PROS1: variants seen among roughly 807,000 people sequenced by gnomAD.
PROS1 encodes the protein vitamin K-dependent protein S.
PROS1 carries 29 observed loss-of-function variants against 75.9 expected under a neutral mutation model. The ratio of observed to expected loss-of-function variants is 0.38; its 90% CI spans 0.28 to 0.52. The LOEUF (loss-of-function observed/expected upper bound fraction) is 0.52, where lower values mean the gene tolerates loss of function less well. Among genes scored for constraint, PROS1 ranks in the 20% least tolerant of loss-of-function variants. The pLI is 0.83. For missense variants in PROS1, 680 were observed against 810.3 expected (o/e 0.84, Z 1.95); for synonymous variants, 245 against 280.6 (o/e 0.87, Z 1.27).
At chr3:93,925,007 T>A (rs955891515) in intron 2 of PROS1, among the ~76,000 whole-genome samples, 8 of 152,328 alleles carry the variant, frequency 5.3e-5, no homozygotes, top group Middle Eastern at 3.4e-3. Flanking sequence ...AGTAGACATT[T>A]ATCTTATACA....
chr3:93,949,423 C>T (rs576506979), intron 1 of PROS1, among the ~76,000 whole-genome samples: 56 of 151,964 alleles, frequency 3.7e-4, no homozygotes, highest in Non-Finnish European at 2.1e-4. Flanking sequence ...TTATACCACA[C>T]TAAAGACAAA....
intron 4 of PROS1, among the ~76,000 whole-genome samples, chr3:93,906,794 T>C (rs1212980257): frequency 6.6e-6 from 1 of 152,178 alleles, no homozygotes; most frequent in African/African-American, 2.4e-5. Context: ...CTCTCCTCTC[T>C]CCTGGCACCC....
chr3:93,901,279 G>C (rs1708589562), intron 6 of PROS1, among the ~76,000 whole-genome samples: 1 of 152,134 alleles, frequency 6.6e-6, no homozygotes, highest in African/African-American at 2.4e-5. Flanking sequence ...TTTTGTACAT[G>C]GGAAGGCTCA....
Position 93,942,818 on chromosome 3 carries a change from T to G in PROS1, c.77-15411A>C, listed in dbSNP as rs1189308818. On this transcript the variant is annotated intron_variant, in intron 1 of 14. Transcript: ENST00000394236. ...AATCACTTCTCAGTGTTCCATCTGC[T>G]CTTCTACTACTCCTCAGGGATTACT... Among the ~76,000 whole-genome samples the G allele has an allele frequency of 2.0e-5, 3 of 152,278 alleles. No homozygotes were observed. The East Asian group carries it at 5.8e-4, about 29-fold the overall frequency.
intron 4 of PROS1, among the ~76,000 whole-genome samples, chr3:93,909,401 C>T (rs1708724242): frequency 6.9e-6 from 1 of 145,642 alleles, no homozygotes; most frequent in African/African-American, 2.6e-5. Flanking sequence ...CACCATTACA[C>T]TCCAGCCTGG....
chr3:93,896,652 A>G lies in PROS1; in HGVS notation c.889T>C (p.Tyr297His). 6.2e-7 allele frequency: 1 copy of G among 1,613,834 alleles called. No homozygotes were observed. The highest frequency in any genetic ancestry group is 8.5e-7 in the Non-Finnish European group (1 of 1,179,816). The change falls in exon 9 of 15, where the codon TAT (tyrosine) becomes CAT (histidine). Residue 297 changes from tyrosine (Y) to histidine (H), a missense_variant. Coordinates refer to ENST00000394236, the MANE Select transcript of PROS1 (RefSeq NM_000313.4). ...VCLPLNLDTKYELLYLAEQFA... is the reference protein window; with the variant it reads ...VCLPLNLDTKHELLYLAEQFA... ...TGCTCCGCCAAGTAAAGTAATTCAT[A>G]CTTTGTGTCAAGGTTCAAGGGAAGG...
At chr3:93,898,030 A>G (rs1475442263) in intron 8 of PROS1, among the ~76,000 whole-genome samples, 1 of 152,052 alleles carries the variant, frequency 6.6e-6, no homozygotes, top group Non-Finnish European at 1.5e-5. Flanking sequence ...TAAACCCTAT[A>G]ACGCCTAAGG....
intron 1 of PROS1, among the ~76,000 whole-genome samples, chr3:93,931,440 A>T (rs1216288929): frequency 6.6e-6 from 1 of 152,226 alleles, no homozygotes; most frequent in African/African-American, 2.4e-5. Context: ...TTAACATATG[A>T]TGTACGATTT....
intron 3 of PROS1, among the ~76,000 whole-genome samples, chr3:93,915,341 C>G (rs965826121): frequency 2.6e-5 from 4 of 152,128 alleles, no homozygotes; most frequent in Admixed American, 1.3e-4. Context: ...TGGCACACAC[C>G]TGTAATCCTA....
intron 1 of PROS1, among the ~76,000 whole-genome samples, chr3:93,960,642 T>G (rs1486516439): frequency 6.7e-6 from 1 of 150,096 alleles, no homozygotes; most frequent in Non-Finnish European, 1.5e-5. Flanking sequence ...CTGAACTTTA[T>G]ATGGTTAAGA....
Position 93,874,419 on chromosome 3 carries a change from A to C in PROS1, c.1871-14T>G, listed in dbSNP as rs754929347. Reference sequence around the variant, plus strand: ...TGAATGGAACATCTGTAAAAGGAAAATATTAGAATATTAGTCCAAGACTTT... The same window carrying C: ...TGAATGGAACATCTGTAAAAGGAAACTATTAGAATATTAGTCCAAGACTTT... On this transcript the variant is annotated splice_polypyrimidine_tract_variant and intron_variant, in intron 14 of 14. Coordinates refer to ENST00000394236, the MANE Select transcript of PROS1 (RefSeq NM_000313.4). 1 of 1,612,946 alleles carries C rather than the reference A, an allele frequency of 6.2e-7. No individual in the cohort carries two copies. Among genetic ancestry groups the C allele is most frequent in the Admixed American group, 1.7e-5 (1 of 59,968 alleles).
In PROS1 at chr3:93,886,509, A is replaced by G. The variant is rs753833478; in HGVS notation, c.1156-6T>C. 4.4e-6 allele frequency: 7 copies of G among 1,595,994 alleles called. No individual in the cohort carries two copies. The South Asian group carries it at 6.6e-5, about 15-fold the overall frequency. ...TCTAATTCTTCCACAGACACCTACA[A>G]TTAAAAAGAAAAATTACCAAATAAC... On this transcript the variant is annotated splice_polypyrimidine_tract_variant and splice_region_variant and intron_variant, in intron 10 of 14. Coordinates refer to ENST00000394236, the MANE Select transcript of PROS1 (RefSeq NM_000313.4).
chr3:93,918,637 G>C (rs755789445), intron 3 of PROS1, among the ~76,000 whole-genome samples: 3 of 152,120 alleles, frequency 2.0e-5, no homozygotes, highest in African/African-American at 7.2e-5. Flanking sequence ...CTTGAAGTCA[G>C]TGAGACCAAG....
At chr3:93,904,457 A>T (rs1363390475) in intron 6 of PROS1, among the ~76,000 whole-genome samples, 1 of 152,170 alleles carries the variant, frequency 6.6e-6, no homozygotes, top group African/African-American at 2.4e-5. Flanking sequence ...GAGTCATTTA[A>T]CTGCAGTTTA....
chr3:93,941,708 C>G (rs1378806696), intron 1 of PROS1, among the ~76,000 whole-genome samples: 3 of 152,192 alleles, frequency 2.0e-5, no homozygotes, highest in Non-Finnish European at 2.9e-5. Context: ...AGGACCACAC[C>G]TTGTAGCCTT....
intron 1 of PROS1, among the ~76,000 whole-genome samples, chr3:93,970,547 TG>T (rs1312757498): frequency 2.0e-5 from 3 of 151,994 alleles, no homozygotes; most frequent in African/African-American, 7.3e-5. Context: ...CCCACTATGC[TG>T]CCCAGGCTGG....
At chr3:93,922,551 C>T (rs530356852) in intron 3 of PROS1, among the ~76,000 whole-genome samples, 1 of 152,140 alleles carries the variant, frequency 6.6e-6, no homozygotes, top group Non-Finnish European at 1.5e-5. Context: ...CCCCTGAAAA[C>T]GAAGTCTAAA....
intron 1 of PROS1, among the ~76,000 whole-genome samples, chr3:93,934,311 A>C (rs535774394): frequency 3.3e-5 from 5 of 152,216 alleles, no homozygotes; most frequent in African/African-American, 1.2e-4. Context: ...TTTCATAAAG[A>C]TTTCTACCAC....
chr3:93,915,958 T>C (rs1214934643), intron 3 of PROS1, among the ~76,000 whole-genome samples: 1 of 152,174 alleles, frequency 6.6e-6, no homozygotes, highest in African/African-American at 2.4e-5. Context: ...CAATGTTTCG[T>C]CTTAGGCCTT....
Sources: allele counts gnomAD v4.1 joint callset (sites outside exome capture counted in the v4.1 genomes callset), GRCh38; gene constraint gnomAD v4.1.1; transcripts MANE v1.5; gene names NCBI Gene and HGNC (gene_info 2026-07-23, HGNC 2026-07-21).